The following EIF4E2 variants were observed in gnomAD, a reference collection of about 807,000 sequenced individuals.
EIF4E2 encodes the protein eukaryotic translation initiation factor 4E family member 2.
A neutral mutation model predicts 34.2 loss-of-function variants in EIF4E2; 13 were observed. That is an observed-to-expected ratio of 0.38 (90% CI 0.25 to 0.60). EIF4E2 has a LOEUF of 0.60. Among genes scored for constraint, EIF4E2 ranks in the 20% least tolerant of loss-of-function variants. The pLI, the probability that EIF4E2 is intolerant of heterozygous loss-of-function variation, is 0.62. For missense variants in EIF4E2, 222 were observed against 315.1 expected, an observed-to-expected ratio of 0.70 and a Z score of 2.24; for synonymous variants, 100 against 106.6, an observed-to-expected ratio of 0.94 and a Z score of 0.38.
Position 232,556,462 on chromosome 2 carries a change from A to G in EIF4E2, c.67A>G (p.Ser23Gly). ...GGACCATGATCAGAATGAAGAAAACAGCACACAGAAAGATGGTGAGAAGGA... is the reference window on the plus strand; with the variant it reads ...GGACCATGATCAGAATGAAGAAAACGGCACACAGAAAGATGGTGAGAAGGA... ...SGDHDQNEEN[S>G]TQKDGEKEKT... is the part of the protein sequence containing the mutation. The change falls in exon 2 of 7, where the codon AGC becomes GGC. Residue 23 changes from serine (S) to glycine (G), a missense_variant. Ser to Gly is a moderately conservative substitution (Grantham distance 56). Around this residue, in one of 3 missense-constraint regions of EIF4E2, gnomAD observed 87 missense variants for 93.6 expected, o/e 0.93. Transcript: ENST00000258416. 6.2e-7 allele frequency: 1 copy of G among 1,613,948 alleles called. No individual in the cohort carries two copies. The highest frequency in any genetic ancestry group is 1.7e-5 in the Admixed American group (1 of 59,992).
intron 1 of EIF4E2, chr2:232,551,017 C>T: frequency 1.6e-6 from 1 of 607,838 alleles, no homozygotes; most frequent in South Asian, 1.9e-5. Context: ...GATTTTCGGA[C>T]GCCCCGCCCT....
In EIF4E2 at chr2:232,550,721, G is replaced by A. The variant is rs771387654; in HGVS notation, c.-4G>A. Reference sequence around the variant, plus strand: ...GAGGCAGTGGCGACAGCGGCGGCGAGAGGATGAACAACAAGTTCGACGCGT... The same window carrying A: ...GAGGCAGTGGCGACAGCGGCGGCGAAAGGATGAACAACAAGTTCGACGCGT... On this transcript the variant is annotated 5_prime_UTR_variant, in exon 1 of 7. Coordinates refer to ENST00000258416, the MANE Select transcript of EIF4E2 (RefSeq NM_004846.4). 3 of 1,586,170 alleles carry A rather than the reference G, an allele frequency of 1.9e-6. No homozygotes were observed. Among genetic ancestry groups the A allele is most frequent in the East Asian group, 2.4e-5 (1 of 42,498 alleles).
chr2:232,577,603 T>G (rs1173339162), intron 6 of EIF4E2, among the ~76,000 whole-genome samples: 3 of 152,236 alleles, frequency 2.0e-5, no homozygotes, highest in Admixed American at 6.5e-5. Context: ...GGAAAGCTGT[T>G]TCAGAGTATT....
intron 6 of EIF4E2, among the ~76,000 whole-genome samples, chr2:232,577,746 C>T (rs943135169): frequency 6.6e-6 from 1 of 151,620 alleles, no homozygotes; most frequent in African/African-American, 2.4e-5. Flanking sequence ...TTTTTTTCTT[C>T]CAGCATTGTG....
intron 6 of EIF4E2, among the ~76,000 whole-genome samples, chr2:232,579,993 G>A (rs1693306201): frequency 6.6e-6 from 1 of 151,924 alleles, no homozygotes; most frequent in African/African-American, 2.4e-5. Context: ...TCTAGGGTGG[G>A]ACAGGAAAAG....
chr2:232,569,395 A>G (rs536381627), downstream of EIF4E2, among the ~76,000 whole-genome samples: 13 of 152,320 alleles, frequency 8.5e-5, no homozygotes, highest in Admixed American at 5.2e-4. Flanking sequence ...GAGGCCTGAC[A>G]TAATAAGGTG....
At chr2:232,564,606 G>A (rs935363984) in intron 4 of EIF4E2, among the ~76,000 whole-genome samples, 10 of 152,110 alleles carry the variant, frequency 6.6e-5, no homozygotes, top group Admixed American at 3.3e-4. Flanking sequence ...GCCCACCACC[G>A]CGCCCGGCTA....
At chr2:232,562,805 G>A (rs1163523661) in intron 3 of EIF4E2, among the ~76,000 whole-genome samples, 2 of 152,230 alleles carry the variant, frequency 1.3e-5, no homozygotes, top group East Asian at 1.9e-4. Flanking sequence ...GGTGGATAAA[G>A]GTTTACATTA....
At chr2:232,577,548 T>A (rs1012049043) in intron 6 of EIF4E2, among the ~76,000 whole-genome samples, 2 of 152,176 alleles carry the variant, frequency 1.3e-5, no homozygotes, top group African/African-American at 4.8e-5. Flanking sequence ...CTTGTCCATT[T>A]CTCTAAAAGT....
intron 6 of EIF4E2, among the ~76,000 whole-genome samples, chr2:232,575,551 A>C (rs1440554586): frequency 2.0e-5 from 3 of 152,184 alleles, no homozygotes. Flanking sequence ...ACTTGAGCCC[A>C]GGAGTTCAAG....
At chr2:232,580,190 TC>T (rs1693316374) in intron 6 of EIF4E2, among the ~76,000 whole-genome samples, 1 of 152,034 alleles carries the variant, frequency 6.6e-6, no homozygotes, top group Non-Finnish European at 1.5e-5. Flanking sequence ...AGATTTTACT[TC>T]CTGGAATATC....
chr2:232,570,739 C>A (rs1693072009), downstream of EIF4E2, among the ~76,000 whole-genome samples: 1 of 152,098 alleles, frequency 6.6e-6, no homozygotes, highest in Admixed American at 6.5e-5. Flanking sequence ...GGTCAGGAGA[C>A]CAGCCTGGCC....
At chr2:232,567,637 G>C in intron 6 of EIF4E2, 6 of 1,072,022 alleles carry the variant, frequency 5.6e-6, no homozygotes, top group Non-Finnish European at 6.8e-6. Context: ...CTTTGTCCTG[G>C]GATACTGACT....
At chr2:232,567,689 C>T (rs2106249360) in intron 6 of EIF4E2, 3 of 1,004,346 alleles carry the variant, frequency 3.0e-6, no homozygotes, top group Non-Finnish European at 3.6e-6. Context: ...ATAGAGCTGA[C>T]TCTTAGAAGA....
At chr2:232,565,507 G>A (rs1264403561) in intron 4 of EIF4E2, among the ~76,000 whole-genome samples, 7 of 151,934 alleles carry the variant, frequency 4.6e-5, no homozygotes, top group Admixed American at 1.3e-4. Context: ...GGTGGCACGC[G>A]CCTGTAATCC....
intron 6 of EIF4E2, among the ~76,000 whole-genome samples, chr2:232,579,057 C>T (rs1693283423): frequency 6.6e-6 from 1 of 150,888 alleles, no homozygotes; most frequent in African/African-American, 2.4e-5. Flanking sequence ...AGTGTAGGTA[C>T]AAAAAAAGTG....
intron 1 of EIF4E2, among the ~76,000 whole-genome samples, chr2:232,551,378 T>G (rs540912759): frequency 1.3e-4 from 20 of 152,334 alleles, no homozygotes; most frequent in Non-Finnish European, 2.4e-4. Context: ...CGCTCCGGTT[T>G]CTAGTTTCAG....
At chr2:232,582,309 G>T (rs1190463392) in exon 7 of EIF4E2, 1 of 152,606 alleles carries the variant, frequency 6.6e-6, no homozygotes, top group African/African-American at 2.4e-5. Flanking sequence ...GAAATCATAT[G>T]AGAGTAACAG....
chr2:232,558,655 C>T (rs1424356959), intron 3 of EIF4E2: 4 of 150,446 alleles, frequency 2.7e-5, no homozygotes, highest in African/African-American at 9.8e-5. Flanking sequence ...GGAGTCCTTA[C>T]TAAGTTCAAA....
Sources: gnomAD v4.1 joint callset for allele counts (sites outside exome capture counted in the v4.1 genomes callset) on GRCh38, gnomAD v4.1.1 for gene constraint, gnomAD v4.1.1 regional missense constraint, MANE v1.5 for transcripts, NCBI Gene and HGNC (gene_info 2026-07-23, HGNC 2026-07-21) for gene names.